ZBTB4: variants seen among roughly 807,000 people sequenced by gnomAD.
ZBTB4 encodes zinc finger and BTB domain-containing protein 4.
Under a neutral mutation model 59.8 loss-of-function variants are expected in ZBTB4, and 14 were observed. The ratio of observed to expected loss-of-function variants is 0.23; its 90% CI spans 0.15 to 0.37. The LOEUF is 0.37. Among genes scored for constraint, ZBTB4 ranks in the 10% least tolerant of loss-of-function variants. The pLI, the probability that ZBTB4 is intolerant of heterozygous loss-of-function variation, is 1.00. For synonymous variants in ZBTB4, 587 were observed against 575.2 expected (o/e 1.02, Z -0.29); for missense variants, 1,198 against 1,380.8 (o/e 0.87, Z 2.10).
At chr17:7,478,105 T>A (rs760919098) in intron 1 of ZBTB4, among the ~76,000 whole-genome samples, 3 of 152,092 alleles carry the variant, frequency 2.0e-5, no homozygotes, top group Non-Finnish European at 2.9e-5. Context: ...CTCTTGGGTC[T>A]GAGGCCCACA....
In ZBTB4 at chr17:7,465,715, G is replaced by A. The variant is rs1365969984; in HGVS notation, c.1087C>T (p.Arg363Cys). 2 of 1,597,328 alleles carry A rather than the reference G, an allele frequency of 1.3e-6. No homozygotes were observed. Among genetic ancestry groups the A allele is most frequent in the Non-Finnish European group, 8.6e-7 (1 of 1,168,876 alleles). ...TKHEVWHTGE[R>C]RYQCIFCWET... ...CCGCCAGCCTGGATCACTCACCTGC[G>A]CTCCCCCGTGTGCCACACTTCATGC... Residue 363 changes from arginine (R) to cysteine (C), a missense_variant, in exon 3 of 4, where the codon CGC (arginine) becomes TGC (cysteine). Coordinates refer to ENST00000380599, the MANE Select transcript of ZBTB4 (RefSeq NM_001128833.2).
At chr17:7,482,001 C>T (rs371367809), upstream of ZBTB4, 10 of 1,598,932 alleles carry the variant, frequency 6.3e-6, no homozygotes, top group African/African-American at 9.4e-5. Context: ...GGCAGTCACC[C>T]CTACTTGAAC....
chr17:7,463,397 G>A lies in ZBTB4; in HGVS notation c.1585C>T (p.Pro529Ser), dbSNP rs1244474980. ...KREYPPPPPE[P>S]AATPTSPATA... Reference sequence around the variant, plus strand: ...GCTGGGCTGGTGGGTGTGGCTGCAGGCTCAGGGGGAGGAGGTGGGTATTCT... The same window carrying A: ...GCTGGGCTGGTGGGTGTGGCTGCAGACTCAGGGGGAGGAGGTGGGTATTCT... Residue 529 changes from proline to serine, a missense_variant, in exon 4 of 4, where the codon CCT becomes TCT. Physicochemically the swap from Pro to Ser is moderately conservative, Grantham distance 74. Transcript: ENST00000380599. The A allele has an allele frequency of 6.3e-7, 1 of 1,590,816 alleles. No individual in the cohort carries two copies. Among genetic ancestry groups the A allele is most frequent in the Non-Finnish European group, 8.6e-7 (1 of 1,168,856 alleles).
At chr17:7,482,924 G>A, upstream of ZBTB4, 1 of 1,612,014 alleles carries the variant, frequency 6.2e-7, no homozygotes. Context: ...CGTGGGGGCA[G>A]GGGTTGTGCT....
upstream of ZBTB4, chr17:7,482,796 G>A (rs1381140653): frequency 6.2e-6 from 10 of 1,612,068 alleles, no homozygotes; most frequent in Admixed American, 1.7e-5. Flanking sequence ...ACATGTGTGA[G>A]CTATGCGGTC....
chr17:7,481,842 C>T, upstream of ZBTB4: 5 of 1,196,200 alleles, frequency 4.2e-6, no homozygotes, highest in South Asian at 1.6e-5. Context: ...TCTTTTAGGC[C>T]CTTTCTAGCT....
Position 7,467,320 on chromosome 17 carries a change from T to G in ZBTB4, c.-73A>C. The stretch of plus-strand genomic sequence containing the variant: ...CTCAGCGAGTCCCTTCTGCTGGGCC[T>G]CTTCCTTCTGCGGAGAAACAGAAAT... On this transcript the variant is annotated 5_prime_UTR_variant, in exon 2 of 4. Transcript: ENST00000380599. The G allele has an allele frequency of 2.2e-6, 2 of 901,728 alleles. No homozygotes were observed. The highest frequency in any genetic ancestry group is 2.7e-6 in the Non-Finnish European group (2 of 752,764). 55.9% of individuals were successfully genotyped at this position (901,728 alleles called of 1,614,324 possible).
In ZBTB4 at chr17:7,466,468, G is replaced by T. The variant is rs2067150500; in HGVS notation, c.334C>A (p.Pro112Thr). 6.2e-7 allele frequency: 1 copy of T among 1,611,380 alleles called. No individual in the cohort carries two copies. The highest frequency in any genetic ancestry group is 8.5e-7 in the Non-Finnish European group (1 of 1,178,714). The change falls in exon 3 of 4, where the codon CCC (proline) becomes ACC (threonine). Residue 112 changes from proline (P) to threonine (T), a missense_variant. By Grantham distance (38) the Pro-to-Thr change is conservative. Around this residue, in one of 9 missense-constraint regions of ZBTB4, gnomAD observed 83 missense variants for 76.5 expected, o/e 1.09. Transcript: ENST00000380599. The surrounding 1 kb of genome is among the most constrained non-coding windows in gnomAD (Gnocchi z 9.1). ...SSSSSSSSSSPPPASPPASSP... is the reference protein window; with the variant it reads ...SSSSSSSSSSTPPASPPASSP... ...GAAGCAGGGGGAGAGGCTGGAGGGG[G>T]AGAGGAAGAGGAAGAGGAAGAAGAA...
chr17:7,475,520 C>T lies in ZBTB4; in HGVS notation c.-81+3936G>A, dbSNP rs193148935. On this transcript the variant is annotated intron_variant, in intron 1 of 3. Transcript: ENST00000380599. ...AGGCTGGAGCGCAGTGGCGTGATCTCGGCTCACTGCAACCTCCGTCTCCTG... is the reference window on the plus strand; with the variant it reads ...AGGCTGGAGCGCAGTGGCGTGATCTTGGCTCACTGCAACCTCCGTCTCCTG... Among the ~76,000 whole-genome samples, 357 of 152,032 alleles carry T rather than the reference C, an allele frequency of 2.3e-3. 1 individual carries two copies. Among genetic ancestry groups the T allele is most frequent in the Non-Finnish European group, 4.1e-3 (279 of 67,956 alleles).
In ZBTB4 at chr17:7,466,017, G is replaced by C; in HGVS notation, c.785C>G (p.Thr262Arg). 3 of 1,608,064 alleles carry C rather than the reference G, an allele frequency of 1.9e-6. No homozygotes were observed. The highest frequency in any genetic ancestry group is 2.6e-6 in the Non-Finnish European group (3 of 1,176,438). ...HEAQCRRGAS[T>R]RGSTGLGAGG... Reference sequence around the variant, plus strand: ...AGCTCCCAGCCCTGTAGACCCCCGCGTGCTGGCCCCTCGTCGGCACTGGGC... The same window carrying C: ...AGCTCCCAGCCCTGTAGACCCCCGCCTGCTGGCCCCTCGTCGGCACTGGGC... Residue 262 changes from threonine to arginine, a missense_variant, in exon 3 of 4, where the codon ACG becomes AGG. Around this residue, in one of 9 missense-constraint regions of ZBTB4, gnomAD observed 204 missense variants for 205.5 expected, o/e 0.99. Coordinates refer to ENST00000380599, the MANE Select transcript of ZBTB4 (RefSeq NM_001128833.2). This position sits in a 1 kb window ranked among gnomAD's most constrained non-coding sequence, Gnocchi z 9.1.
chr17:7,481,157 C>A (rs1392673935), upstream of ZBTB4, among the ~76,000 whole-genome samples: 2 of 108,410 alleles, frequency 1.8e-5, no homozygotes, highest in Non-Finnish European at 4.0e-5. Context: ...GAGCAAAACT[C>A]CGTCCCAAAA....
chr17:7,482,501 G>A (rs376387730), upstream of ZBTB4: 12 of 1,613,618 alleles, frequency 7.4e-6, no homozygotes, highest in African/African-American at 1.5e-4. Flanking sequence ...AATCATCATT[G>A]TGGGACCTGG....
chr17:7,476,373 C>A (rs1223517783), intron 1 of ZBTB4, among the ~76,000 whole-genome samples: 4 of 152,170 alleles, frequency 2.6e-5, no homozygotes, highest in Non-Finnish European at 5.9e-5. Flanking sequence ...GTGAGCCAGG[C>A]GTGATGGCAG....
chr17:7,477,162 G>A (rs970122703), intron 1 of ZBTB4, among the ~76,000 whole-genome samples: 1 of 152,182 alleles, frequency 6.6e-6, no homozygotes, highest in Non-Finnish European at 1.5e-5. Flanking sequence ...TATTATCAGC[G>A]AAGCCCCAAG....
In ZBTB4 at chr17:7,461,035, G is replaced by A. The variant is rs1025577409; in HGVS notation, c.*905C>T. 6.6e-6 allele frequency: 1 copy of A among 152,656 alleles called. No homozygotes were observed. The highest frequency in any genetic ancestry group is 1.5e-5 in the Non-Finnish European group (1 of 68,058). The allele number at this position is 152,656 out of a possible 1,614,324, so 9.5% of individuals were successfully genotyped here. A position where few individuals can be genotyped will look rare whatever the true frequency, so the allele number is the denominator to read the frequency against. ...AGGAAAAAAAAACAGGGAGAAAGTA[G>A]ATTCCCTTCTCCATCCCATATGGAG... is the stretch of plus-strand genomic sequence containing the variant. On this transcript the variant is annotated 3_prime_UTR_variant, in exon 4 of 4. Transcript: ENST00000380599.
chr17:7,474,325 C>G (rs548965675), intron 1 of ZBTB4, among the ~76,000 whole-genome samples: 1 of 150,322 alleles, frequency 6.7e-6, no homozygotes, highest in Non-Finnish European at 1.5e-5. Flanking sequence ...TCAGGTGATT[C>G]TCTCATTACA....
chr17:7,463,028 CAT>C lies in ZBTB4; in HGVS notation c.1952_1953del (p.Asp651GlyfsTer22). 6.4e-7 allele frequency: 1 copy of C among 1,566,424 alleles called. No homozygotes were observed. Among genetic ancestry groups the C allele is most frequent in the Non-Finnish European group, 8.6e-7 (1 of 1,157,914 alleles). The stretch of plus-strand genomic sequence containing the variant: ...TCCCCACCAGCCTTTGATTCCTCCT[CAT>C]CCTCCTCCTCCTCCTCTTCGTCCTC... ...EEEDEEEEEE[D>X]EEESKAGGED... On this transcript the variant is annotated frameshift_variant, in exon 4 of 4. Coordinates refer to ENST00000380599, the MANE Select transcript of ZBTB4 (RefSeq NM_001128833.2). LOFTEE classifies it high-confidence loss of function.
At chr17:7,471,327 G>C (rs569450318) in intron 1 of ZBTB4, among the ~76,000 whole-genome samples, 1 of 152,280 alleles carries the variant, frequency 6.6e-6, no homozygotes, top group South Asian at 2.1e-4. Context: ...GGGACCATAG[G>C]CTTATGTCAC....
intron 1 of ZBTB4, among the ~76,000 whole-genome samples, chr17:7,473,036 C>A (rs1352957487): frequency 6.7e-6 from 1 of 149,122 alleles, no homozygotes; most frequent in Non-Finnish European, 1.5e-5. Flanking sequence ...CTCACTGCAA[C>A]CTCCGCCTCC....
Sources: allele counts gnomAD v4.1 joint callset (sites outside exome capture counted in the v4.1 genomes callset), GRCh38; gene constraint gnomAD v4.1.1; regional missense constraint gnomAD v4.1.1; non-coding constraint Gnocchi (gnomAD v3.1); transcripts MANE v1.5; gene names NCBI Gene and HGNC (gene_info 2026-07-23, HGNC 2026-07-21).